Variants in ROCK2 observed in about 807,000 individuals in gnomAD.
ROCK2 encodes the protein Rho associated coiled-coil containing protein kinase 2, also known as rho-associated protein kinase 2.
In ROCK2, 61 loss-of-function variants were observed where a neutral mutation model predicts 195.1. The ratio of observed to expected loss-of-function variants is 0.31; its 90% CI spans 0.25 to 0.39. The LOEUF is 0.39. ROCK2 is among the 10% of genes least tolerant of loss of function. ROCK2 has a pLI of 1.00. For synonymous variants in ROCK2, 504 were observed against 545.5 expected, an observed-to-expected ratio of 0.92 and a Z score of 1.06; for missense variants, 1,109 against 1,637.4, an observed-to-expected ratio of 0.68 and a Z score of 5.57.
intron 3 of ROCK2, among the ~76,000 whole-genome samples, chr2:11,255,928 CAAAAAAAAAAAAAA>C (rs57678031): frequency 1.2e-4 from 4 of 33,064 alleles, no homozygotes; most frequent in Non-Finnish European, 1.5e-4. Flanking sequence ...GACTCCATCT[CAAAAAAAAAAAAAA>C]AAAAAAAAAA....
chr2:11,281,238 T>C (rs1334207333), intron 3 of ROCK2, among the ~76,000 whole-genome samples: 2 of 141,592 alleles, frequency 1.4e-5, no homozygotes, highest in Admixed American at 7.0e-5. Context: ...AAAACCTCAG[T>C]ACATGAAGAA....
chr2:11,302,359 G>A (rs567545402), intron 1 of ROCK2, among the ~76,000 whole-genome samples: 98 of 151,214 alleles, frequency 6.5e-4, no homozygotes, highest in African/African-American at 2.2e-3. Flanking sequence ...TCACTCTGTC[G>A]CCCAGGCTGG....
In ROCK2 at chr2:11,344,151, AC is replaced by A; in HGVS notation, c.-16del. 1.4e-6 allele frequency: 2 copies of A among 1,412,930 alleles called. No individual in the cohort carries two copies. Among genetic ancestry groups the A allele is most frequent in the Non-Finnish European group, 1.8e-6 (2 of 1,088,866 alleles). The allele number at this position is 1,412,930 out of a possible 1,614,324, so 87.5% of individuals were successfully genotyped here. On this transcript the variant is annotated 5_prime_UTR_variant, in exon 1 of 33. Transcript: ENST00000315872. The surrounding 1 kb of genome is among the most constrained non-coding windows in gnomAD (Gnocchi z 5.4). ...GGCCGGCTCATGCCGCCACCGCTGG[AC>A]CCGCACTCAGGCTCCTCGCGCTCAG...
intron 1 of ROCK2, among the ~76,000 whole-genome samples, chr2:11,339,053 T>C (rs1177028248): frequency 6.6e-6 from 1 of 152,196 alleles, no homozygotes; most frequent in Non-Finnish European, 1.5e-5. Flanking sequence ...AATAGGTGTG[T>C]GCATTTGTCA....
chr2:11,205,984 C>CTG (rs1664037255), intron 20 of ROCK2, among the ~76,000 whole-genome samples: 1 of 152,128 alleles, frequency 6.6e-6, no homozygotes, highest in Admixed American at 6.5e-5. Flanking sequence ...TGGTGGGCAC[C>CTG]TGTATTCCCA....
intron 1 of ROCK2, among the ~76,000 whole-genome samples, chr2:11,330,002 A>G (rs563580852): frequency 6.6e-6 from 1 of 152,324 alleles, no homozygotes; most frequent in South Asian, 2.1e-4. Flanking sequence ...TTTTTCAAAT[A>G]TTTAGAAATG....
At chr2:11,309,649 T>C (rs1226432999) in intron 1 of ROCK2, among the ~76,000 whole-genome samples, 1 of 152,122 alleles carries the variant, frequency 6.6e-6, no homozygotes, top group African/African-American at 2.4e-5. Context: ...AATATAAAAA[T>C]GTAGTTTAAT....
chr2:11,262,697 G>A (rs1666275815), intron 3 of ROCK2, among the ~76,000 whole-genome samples: 2 of 152,090 alleles, frequency 1.3e-5, no homozygotes, highest in African/African-American at 4.8e-5. Flanking sequence ...CCAGCCACGT[G>A]GAACTGTAAG....
At chr2:11,297,203 T>C (rs886722228) in intron 1 of ROCK2, among the ~76,000 whole-genome samples, 1 of 152,108 alleles carries the variant, frequency 6.6e-6, no homozygotes, top group Non-Finnish European at 1.5e-5. Flanking sequence ...GTTTAAAAAG[T>C]GCAGAATAAA....
chr2:11,327,265 G>A (rs1430485859), intron 1 of ROCK2, among the ~76,000 whole-genome samples: 2 of 152,320 alleles, frequency 1.3e-5, no homozygotes, highest in South Asian at 2.1e-4. Flanking sequence ...ATTTAGAGAT[G>A]TCAAGGAACT....
chr2:11,286,249 T>TTTTTTTTTTGAG (rs1482990918), intron 3 of ROCK2, among the ~76,000 whole-genome samples: 1 of 144,320 alleles, frequency 6.9e-6, no homozygotes, highest in Non-Finnish European at 1.5e-5. Context: ...CAGATGTTTT[T>TTTTTTTTTTGAG]AATCTGAACA....
intron 5 of ROCK2, among the ~76,000 whole-genome samples, chr2:11,231,368 CG>C (rs1308801063): frequency 3.3e-5 from 5 of 151,958 alleles, no homozygotes; most frequent in African/African-American, 1.2e-4. Flanking sequence ...CCATCATGCC[CG>C]GCTAATTCTT....
intron 18 of ROCK2, among the ~76,000 whole-genome samples, 199 bp from the exon 19 acceptor site, chr2:11,208,646 G>A (rs1433427874): frequency 9.0e-5 from 13 of 144,772 alleles, no homozygotes; most frequent in South Asian, 2.1e-4. Flanking sequence ...TGCCCAGGCC[G>A]GAGTGCAGTG....
At chr2:11,221,414 C>A in intron 8 of ROCK2, 57 bp from the exon 9 acceptor site, 2 of 1,251,042 alleles carry the variant, frequency 1.6e-6, no homozygotes, top group Non-Finnish European at 1.1e-6. Context: ...ATAAACCATC[C>A]TATTTTATTA....
chr2:11,182,434 G>A lies in ROCK2; in HGVS notation c.*1003C>T, dbSNP rs1663040132. ...TTTGTAGTCACAGACTAATACTGAG[G>A]TCTGTAAAAAGAGTTGAATGAATAA... On this transcript the variant is annotated 3_prime_UTR_variant, in exon 33 of 33. Transcript: ENST00000315872. 6.6e-6 allele frequency: 1 copy of A among 151,908 alleles called. No individual in the cohort carries two copies. Among genetic ancestry groups the A allele is most frequent in the Non-Finnish European group, 1.5e-5 (1 of 68,004 alleles). The allele number at this position is 151,908 out of a possible 1,614,324, so 9.4% of individuals were successfully genotyped here.
chr2:11,270,786 T>A (rs1666598591), intron 3 of ROCK2, among the ~76,000 whole-genome samples: 1 of 152,228 alleles, frequency 6.6e-6, no homozygotes, highest in Non-Finnish European at 1.5e-5. Context: ...TTAATCAAAG[T>A]TCTTTTAAAT....
chr2:11,242,778 A>T (rs1665473620), intron 4 of ROCK2, among the ~76,000 whole-genome samples: 1 of 152,158 alleles, frequency 6.6e-6, no homozygotes, highest in African/African-American at 2.4e-5. Flanking sequence ...CCATGTGTGT[A>T]CTACCATGAT....
Position 11,344,187 on chromosome 2 carries a change from C to T in ROCK2, c.-51G>A. 3 of 1,382,954 alleles carry T rather than the reference C, an allele frequency of 2.2e-6. No individual in the cohort carries two copies. The highest frequency in any genetic ancestry group is 2.7e-4 in the Middle Eastern group (1 of 3,722). 85.7% of individuals were successfully genotyped at this position (1,382,954 alleles called of 1,614,324 possible). On this transcript the variant is annotated 5_prime_UTR_variant, in exon 1 of 33. Coordinates refer to ENST00000315872, the MANE Select transcript of ROCK2 (RefSeq NM_004850.5). This position sits in a 1 kb window ranked among gnomAD's most constrained non-coding sequence, Gnocchi z 5.4. Reference sequence around the variant, plus strand: ...GGCTCCTCGCGCTCAGGTCCCGCAGCCTCGGGGCCTAGCACCGCCCCCGAA... The same window carrying T: ...GGCTCCTCGCGCTCAGGTCCCGCAGTCTCGGGGCCTAGCACCGCCCCCGAA...
At chr2:11,338,154 G>A (rs1668989482) in intron 1 of ROCK2, among the ~76,000 whole-genome samples, 1 of 151,998 alleles carries the variant, frequency 6.6e-6, no homozygotes, top group Non-Finnish European at 1.5e-5. Context: ...GACCAGCCTG[G>A]ACAACACAGC....
Sources: gnomAD v4.1 joint callset for allele counts (sites outside exome capture counted in the v4.1 genomes callset) on GRCh38, gnomAD v4.1.1 for gene constraint, Gnocchi (gnomAD v3.1) non-coding constraint, MANE v1.5 for transcripts, NCBI Gene and HGNC (gene_info 2026-07-23, HGNC 2026-07-21) for gene names.